Variants in ATP11A observed in about 807,000 individuals in gnomAD.
ATP11A encodes the protein ATPase phospholipid transporting 11A.
A neutral mutation model predicts 154.4 loss-of-function variants in ATP11A; 81 were observed. That is an observed-to-expected ratio of 0.52 (90% CI 0.44 to 0.63). The LOEUF (loss-of-function observed/expected upper bound fraction) is 0.63. Among genes scored for constraint, ATP11A ranks in the 30% least tolerant of loss-of-function variants. ATP11A has a pLI of 0.00. For synonymous variants in ATP11A, 623 were observed against 585.9 expected (o/e 1.06, Z -0.91); for missense variants, 1,316 against 1,474.3 (o/e 0.89, Z 1.76).
intron 3 of ATP11A, among the ~76,000 whole-genome samples, 175 bp downstream of exon 3, chr13:112,805,221 A>G (rs1428503657): frequency 6.6e-6 from 1 of 152,140 alleles, no homozygotes; most frequent in African/African-American, 2.4e-5. Flanking sequence ...TGTGAGATCC[A>G]CACAAGCTAA....
chr13:112,873,692 G>T lies in ATP11A; in HGVS notation c.3161+16G>T. ...GAGTGATCTGGTAAATATCTGATAAGTAGCTGATAATCTGATAAATATCAT... is the reference window on the plus strand; with the variant it reads ...GAGTGATCTGGTAAATATCTGATAATTAGCTGATAATCTGATAAATATCAT... On this transcript the variant is annotated intron_variant, in intron 27 of 29. Coordinates refer to ENST00000375645, the MANE Select transcript of ATP11A (RefSeq NM_015205.3). 3 of 1,578,996 alleles carry T rather than the reference G, an allele frequency of 1.9e-6. No individual in the cohort carries two copies. The highest frequency in any genetic ancestry group is 1.7e-5 in the Admixed American group (1 of 59,934).
Position 112,819,949 on chromosome 13 carries a change from A to G in ATP11A, c.724A>G (p.Arg242Gly), listed in dbSNP as rs751587116. 2 of 1,603,992 alleles carry G rather than the reference A, an allele frequency of 1.2e-6. No homozygotes were observed. The highest frequency in any genetic ancestry group is 1.7e-6 in the Non-Finnish European group (2 of 1,175,242). Residue 242 changes from arginine (R) to glycine (G), a missense_variant and splice_region_variant, in exon 8 of 30, where the codon AGG (arginine) becomes GGG (glycine). Arg to Gly is a moderately radical substitution (Grantham distance 125). Coordinates refer to ENST00000375645, the MANE Select transcript of ATP11A (RefSeq NM_015205.3). The part of the protein sequence containing the change: ...VYSDLNDPVV[R>G]PLGSENLLLR... ...CAGTGACCTGAATGACCCCGTGGTGAGGTGAGTGCCTCTGCGGATGCCTTG... is the reference window on the plus strand; with the variant it reads ...CAGTGACCTGAATGACCCCGTGGTGGGGTGAGTGCCTCTGCGGATGCCTTG...
At chr13:112,837,690 G>GA (rs2079275720) in intron 16 of ATP11A, among the ~76,000 whole-genome samples, 2 of 90,922 alleles carry the variant, frequency 2.2e-5, no homozygotes, top group Admixed American at 2.2e-4. Flanking sequence ...AACCAGACAG[G>GA]CTGGAGAGCT....
At chr13:112,783,446 A>G (rs771582114) in intron 1 of ATP11A, among the ~76,000 whole-genome samples, 2 of 152,170 alleles carry the variant, frequency 1.3e-5, no homozygotes, top group Non-Finnish European at 2.9e-5. Flanking sequence ...ACCCTGAGAA[A>G]GTGCTGGTGT....
rs146366211 is a variant in ATP11A at position 112,739,728 on chromosome 13, G to A, written c.40-45407G>A. ...ATAGCCAAAGAGCGGAAGCATCTCA[G>A]ATGCCCATCAGTAGACGAATGGGTA... On this transcript the variant is annotated intron_variant, in intron 1 of 29. Coordinates refer to ENST00000375645, the MANE Select transcript of ATP11A (RefSeq NM_015205.3). Among the ~76,000 whole-genome samples the A allele has an allele frequency of 2.2e-3, 339 of 152,338 alleles. 11 individuals carry two copies. The East Asian group carries it at 0.059, about 27-fold the overall frequency.
At position 112,853,473 on chromosome 13, in the gene ATP11A, G is replaced by A. The variant is rs141258720; in HGVS notation, c.1992-806G>A. On this transcript the variant is annotated intron_variant, in intron 18 of 29. Coordinates refer to ENST00000375645, the MANE Select transcript of ATP11A (RefSeq NM_015205.3). The stretch of plus-strand genomic sequence containing the variant: ...TTCATACTTTCTAGAAGCATGGCAC[G>A]TTACTTCACACGAAAGTAGTCTGAA... Among the ~76,000 whole-genome samples, 503 of 152,186 alleles carry A rather than the reference G, an allele frequency of 3.3e-3. 1 individual carries two copies. Among genetic ancestry groups the A allele is most frequent in the African/African-American group, 8.0e-3 (332 of 41,508 alleles).
intron 25 of ATP11A, among the ~76,000 whole-genome samples, chr13:112,866,765 A>ATTG (rs1479133036): frequency 1.4e-4 from 4 of 27,646 alleles, no homozygotes; most frequent in South Asian, 1.0e-3. Context: ...CCTGTGCACC[A>ATTG]TTTACCTGCT....
At chr13:112,794,807 G>A (rs181064585) in intron 2 of ATP11A, among the ~76,000 whole-genome samples, 1 of 152,242 alleles carries the variant, frequency 6.6e-6, no homozygotes, top group Non-Finnish European at 1.5e-5. Context: ...GGCAGAGGTT[G>A]CAGTGAGCCG....
At chr13:112,806,168 C>T (rs373238208) in intron 3 of ATP11A, 45 bp from the exon 4 acceptor site, 1 of 1,479,972 alleles carries the variant, frequency 6.8e-7, no homozygotes, top group Non-Finnish European at 9.4e-7. Context: ...TGAAGTCACT[C>T]ATTTGTGTTT....
chr13:112,731,500 A>G (rs1009366295), intron 1 of ATP11A, among the ~76,000 whole-genome samples: 3 of 152,178 alleles, frequency 2.0e-5, no homozygotes, highest in Non-Finnish European at 4.4e-5. Context: ...TTGATAATCA[A>G]TTGCACGGCA....
intron 1 of ATP11A, among the ~76,000 whole-genome samples, chr13:112,742,907 T>C (rs1365950466): frequency 6.6e-6 from 1 of 152,188 alleles, no homozygotes; most frequent in East Asian, 1.9e-4. Flanking sequence ...TTTTTCCTTA[T>C]TGTGTACGTG....
Position 112,694,201 on chromosome 13 carries a change from T to C in ATP11A, c.39+3746T>C, listed in dbSNP as rs559146205. Among the ~76,000 whole-genome samples, 3 of 152,340 alleles carry C rather than the reference T, an allele frequency of 2.0e-5. No individual in the cohort carries two copies. The East Asian group carries it at 5.8e-4, about 29-fold the overall frequency. On this transcript the variant is annotated intron_variant, in intron 1 of 29. Coordinates refer to ENST00000375645, the MANE Select transcript of ATP11A (RefSeq NM_015205.3). ...TGGCTTAATTCCTTCTGCCTCAGTT[T>C]TCTCCTCTGAGGGTAAGAGCAGTAC...
At position 112,851,231 on chromosome 13, in the gene ATP11A, C is replaced by T; in HGVS notation, c.1991+13C>T. 7 of 1,608,664 alleles carry T rather than the reference C, an allele frequency of 4.4e-6. No homozygotes were observed. The highest frequency in any genetic ancestry group is 2.2e-5 in the East Asian group (1 of 44,804). On this transcript the variant is annotated intron_variant, in intron 18 of 29. Coordinates refer to ENST00000375645, the MANE Select transcript of ATP11A (RefSeq NM_015205.3). ...CTGTTGAGGACCGGTAAAGTAAACG[C>T]ATGCATCCCGTCCTGAGAGACAAAC...
intron 25 of ATP11A, among the ~76,000 whole-genome samples, chr13:112,871,243 C>T (rs1566598869): frequency 6.6e-6 from 1 of 152,220 alleles, no homozygotes; most frequent in Non-Finnish European, 1.5e-5. Flanking sequence ...CAGACACAGT[C>T]TGTGAGTTTG....
rs1198826471 is a variant in ATP11A, at chr13:112,882,830, G to A, written c.*964G>A. 15 of 399,138 alleles carry A rather than the reference G, an allele frequency of 3.8e-5. No individual in the cohort carries two copies. The highest frequency in any genetic ancestry group is 6.6e-5 in the Non-Finnish European group (15 of 226,598). The allele number at this position is 399,138 out of a possible 1,614,324, so 24.7% of individuals were successfully genotyped here. ...GACAGATACTTGGCTGTGATGAGCAGACATCCTCTGTCCCCGTGGAGGGGT... is the reference window on the plus strand; with the variant it reads ...GACAGATACTTGGCTGTGATGAGCAAACATCCTCTGTCCCCGTGGAGGGGT... On this transcript the variant is annotated 3_prime_UTR_variant, in exon 30 of 30. Transcript: ENST00000375645. The surrounding 1 kb of genome is among the most constrained non-coding windows in gnomAD (Gnocchi z 5.1).
At chr13:112,804,674 C>T (rs1049662173) in intron 2 of ATP11A, among the ~76,000 whole-genome samples, 4 of 151,470 alleles carry the variant, frequency 2.6e-5, no homozygotes, top group Admixed American at 6.6e-5. Flanking sequence ...CACAGGTTTA[C>T]GTTTTATAAA....
At chr13:112,825,311 ACAT>A (rs2078904541) in intron 10 of ATP11A, 116 bp from the exon 11 acceptor site, 1 of 1,168,106 alleles carries the variant, frequency 8.6e-7, no homozygotes, top group African/African-American at 1.6e-5. Flanking sequence ...GAGGGCGAAC[ACAT>A]CACTGTGCCC....
In ATP11A at chr13:112,807,583, C is replaced by G. The variant is rs183183822; in HGVS notation, c.333+1290C>G. ...CCTGGGATAAGGCCTCACTTCATGTCGGTGGCAGGCTCTTGCAAACTTCAA... is the reference window on the plus strand; with the variant it reads ...CCTGGGATAAGGCCTCACTTCATGTGGGTGGCAGGCTCTTGCAAACTTCAA... On this transcript the variant is annotated intron_variant, in intron 4 of 29. Coordinates refer to ENST00000375645, the MANE Select transcript of ATP11A (RefSeq NM_015205.3). The surrounding 1 kb of genome is among the most constrained non-coding windows in gnomAD (Gnocchi z 4.5). 6.6e-6 allele frequency among the ~76,000 whole-genome samples: 1 copy of G among 152,274 alleles called. No homozygotes were observed. Among genetic ancestry groups the G allele is most frequent in the African/African-American group, 2.4e-5 (1 of 41,542 alleles).
chr13:112,777,707 C>T (rs560175951), intron 1 of ATP11A, among the ~76,000 whole-genome samples: 103 of 152,350 alleles, frequency 6.8e-4, no homozygotes, highest in African/African-American at 2.4e-3. Flanking sequence ...GAAGCCCCCT[C>T]CCGCTGGAAG....
Sources: gnomAD v4.1 joint callset for allele counts (sites outside exome capture counted in the v4.1 genomes callset) on GRCh38, gnomAD v4.1.1 for gene constraint, Gnocchi (gnomAD v3.1) non-coding constraint, MANE v1.5 for transcripts, NCBI Gene and HGNC (gene_info 2026-07-23, HGNC 2026-07-21) for gene names.